CNST: variants seen among roughly 807,000 people sequenced by gnomAD.
CNST encodes the protein consortin.
A neutral mutation model predicts 72.4 loss-of-function variants in CNST; 39 were observed. That is an observed-to-expected ratio of 0.54 (90% CI 0.42 to 0.70). The LOEUF (loss-of-function observed/expected upper bound fraction) is 0.70, where lower values mean the gene tolerates loss of function less well. Among genes scored for constraint, CNST ranks in the 30% least tolerant of loss-of-function variants. The pLI is 0.00. For missense variants in CNST, 871 were observed against 868.5 expected, an observed-to-expected ratio of 1.00 and a Z score of -0.04; for synonymous variants, 332 against 320.1, an observed-to-expected ratio of 1.04 and a Z score of -0.40.
intron 1 of CNST, among the ~76,000 whole-genome samples, chr1:246,572,630 C>T (rs1372875650): frequency 1.3e-5 from 2 of 152,064 alleles, no homozygotes; most frequent in Non-Finnish European, 2.9e-5. Flanking sequence ...GGATTATAGA[C>T]GTGAGCCACC....
chr1:246,635,155 A>G (rs76535996), intron 6 of CNST, among the ~76,000 whole-genome samples: 44,074 of 151,584 alleles, frequency 0.29, 7,131 homozygotes, highest in East Asian at 0.67. Flanking sequence ...GAAAAGGGGC[A>G]ACTTTCTCCA....
chr1:246,595,481 T>G (rs558831353), intron 2 of CNST, among the ~76,000 whole-genome samples: 1 of 152,342 alleles, frequency 6.6e-6, no homozygotes, highest in East Asian at 1.9e-4. Context: ...CCCATCTTGC[T>G]TCCATCCTCC....
rs1558587492 is a variant in CNST, at chr1:246,647,192, G to C, written c.991G>C (p.Glu331Gln). 1 of 1,613,936 alleles carries C rather than the reference G, an allele frequency of 6.2e-7. No homozygotes were observed. Among genetic ancestry groups the C allele is most frequent in the African/African-American group, 1.3e-5 (1 of 74,914 alleles). ...AAGTAAAGAAAGCCAACATACAGTG[G>C]AGCCCCTGGGGAGCAGTCCCTGCTG... ...ESSKESQHTV[E>Q]PLGSSPCCHQ... Residue 331 changes from glutamate (E) to glutamine (Q), a missense_variant, in exon 9 of 11, where the codon GAG (glutamate) becomes CAG (glutamine). By Grantham distance (29) the Glu-to-Gln change is conservative. Coordinates refer to ENST00000366513, the MANE Select transcript of CNST (RefSeq NM_152609.3).
intron 1 of CNST, among the ~76,000 whole-genome samples, chr1:246,589,870 G>T (rs901136391): frequency 5.3e-5 from 8 of 152,182 alleles, no homozygotes; most frequent in Non-Finnish European, 1.2e-4. Context: ...GGCCAGTGAT[G>T]ATGAGCATTT....
chr1:246,655,771 C>T (rs1174712563), intron 9 of CNST, among the ~76,000 whole-genome samples: 1 of 152,196 alleles, frequency 6.6e-6, no homozygotes, highest in Admixed American at 6.5e-5. Flanking sequence ...GCTACTGGCA[C>T]TGCAAGCTTA....
chr1:246,660,166 A>G (rs200929741), intron 9 of CNST, 33 bp from the exon 10 acceptor site: 1 of 1,571,998 alleles, frequency 6.4e-7, no homozygotes, highest in South Asian at 1.2e-5. Context: ...CCGCCTTAAT[A>G]AAAGAATTAT....
At chr1:246,661,262 C>T (rs533592238) in intron 10 of CNST, among the ~76,000 whole-genome samples, 1 of 152,206 alleles carries the variant, frequency 6.6e-6, no homozygotes, top group South Asian at 2.1e-4. Context: ...AGGTGTGAGC[C>T]ACCGCACCAG....
intron 1 of CNST, among the ~76,000 whole-genome samples, chr1:246,578,482 T>C (rs572855833): frequency 1.8e-4 from 27 of 151,994 alleles, no homozygotes; most frequent in Admixed American, 9.2e-4. Context: ...CCATCCTGGC[T>C]AACACGGTGA....
chr1:246,568,090 C>T (rs986081260), intron 1 of CNST, among the ~76,000 whole-genome samples: 2 of 151,384 alleles, frequency 1.3e-5, no homozygotes, highest in Admixed American at 6.6e-5. Flanking sequence ...CACTTGCTGC[C>T]GGGAGTTCGA....
At chr1:246,614,434 A>G (rs906797506) in intron 2 of CNST, among the ~76,000 whole-genome samples, 3 of 152,044 alleles carry the variant, frequency 2.0e-5, no homozygotes, top group Non-Finnish European at 2.9e-5. Flanking sequence ...CATCGTATAT[A>G]TAATAATTGC....
intron 6 of CNST, among the ~76,000 whole-genome samples, chr1:246,637,217 G>A (rs1025631271): frequency 6.6e-6 from 1 of 152,216 alleles, no homozygotes. Context: ...GATGGACCCA[G>A]TTGGGGAGTC....
At chr1:246,618,853 G>A (rs764491311) in intron 2 of CNST, among the ~76,000 whole-genome samples, 18 of 152,112 alleles carry the variant, frequency 1.2e-4, no homozygotes, top group Admixed American at 1.0e-3. Context: ...GCAGGTTGCC[G>A]ATTATCCAGG....
chr1:246,580,153 A>G (rs1263462444), intron 1 of CNST, among the ~76,000 whole-genome samples: 1 of 152,188 alleles, frequency 6.6e-6, no homozygotes. Context: ...TTCTAAGGTT[A>G]AAAAATTAAG....
intron 2 of CNST, among the ~76,000 whole-genome samples, chr1:246,612,746 CA>C (rs1260923375): frequency 6.6e-6 from 1 of 151,836 alleles, no homozygotes; most frequent in African/African-American, 2.4e-5. Context: ...AAAAATTAGC[CA>C]GGGGGTGTGC....
At chr1:246,636,953 T>C (rs923023269) in intron 6 of CNST, among the ~76,000 whole-genome samples, 4 of 152,186 alleles carry the variant, frequency 2.6e-5, no homozygotes, top group Non-Finnish European at 5.9e-5. Flanking sequence ...GGGCGGCTAC[T>C]GACCGTATAA....
intron 1 of CNST, among the ~76,000 whole-genome samples, chr1:246,569,677 C>T (rs79989776): frequency 1.3e-5 from 2 of 152,292 alleles, no homozygotes; most frequent in African/African-American, 4.8e-5. Flanking sequence ...AAATGATCCA[C>T]CTCAACCTCT....
chr1:246,606,617 G>A (rs555641496), intron 2 of CNST: 181 of 151,340 alleles, frequency 1.2e-3, no homozygotes, highest in African/African-American at 4.1e-3. Context: ...ATTCTATTTA[G>A]GATATATGTG....
chr1:246,592,776 T>C (rs1429594411), intron 2 of CNST, among the ~76,000 whole-genome samples: 8 of 152,220 alleles, frequency 5.3e-5, no homozygotes, highest in African/African-American at 1.7e-4. Context: ...GAATAAGACA[T>C]CTGGTTCTAA....
intron 9 of CNST, among the ~76,000 whole-genome samples, chr1:246,659,799 A>C (rs926286506): frequency 6.6e-6 from 1 of 152,200 alleles, no homozygotes; most frequent in African/African-American, 2.4e-5. Context: ...TGAATGAAAA[A>C]AGCAGTGGAG....
Sources: gnomAD v4.1 joint callset for allele counts (sites outside exome capture counted in the v4.1 genomes callset) on GRCh38, gnomAD v4.1.1 for gene constraint, MANE v1.5 for transcripts, NCBI Gene and HGNC (gene_info 2026-07-23, HGNC 2026-07-21) for gene names.